The following FRK variants were observed in gnomAD, a reference collection of about 807,000 sequenced individuals.
FRK encodes the protein tyrosine-protein kinase FRK.
FRK carries 51 observed loss-of-function variants against 56.4 expected under a neutral mutation model. The ratio of observed to expected loss-of-function variants is 0.90; its 90% CI spans 0.72 to 1.14. The LOEUF (loss-of-function observed/expected upper bound fraction) is 1.14. Ranked by LOEUF, FRK falls within the 50% of genes most tolerant of loss-of-function variation. FRK has a pLI of 0.00. For missense variants in FRK, 570 were observed against 601.4 expected, an observed-to-expected ratio of 0.95 and a Z score of 0.55; for synonymous variants, 245 against 217.9, an observed-to-expected ratio of 1.12 and a Z score of -1.10.
At position 115,967,711 on chromosome 6, in the gene FRK, G is replaced by T. The variant is rs750446041; in HGVS notation, c.639C>A (p.Val213=). The T allele has an allele frequency of 6.9e-6, 11 of 1,598,612 alleles. No homozygotes were observed. Among genetic ancestry groups the T allele is most frequent in the Non-Finnish European group, 8.5e-6 (10 of 1,171,692 alleles). The part of the protein sequence containing the change: ...KLGKPCLKIQ[V]PAPFDLSYKT... ...TATACGACAAATCAAATGGAGCTGG[G>T]ACCTGGATCTGTTTCATAGAATAAT... The change falls in exon 4 of 8, where the codon GTC becomes GTA. Residue 213 remains valine (V), a synonymous_variant. Transcript: ENST00000606080.
chr6:116,085,038 G>T, the FRK span, among the ~76,000 whole-genome samples: 3 of 152,146 alleles, frequency 2.0e-5, no homozygotes, highest in African/African-American at 7.2e-5. Context: ...TTAAGAGAGT[G>T]GTATGCCTGC....
chr6:116,014,924 A>G (rs1237800399), intron 1 of FRK, among the ~76,000 whole-genome samples: 1 of 152,164 alleles, frequency 6.6e-6, no homozygotes, highest in Non-Finnish European at 1.5e-5. Context: ...TAATGAGTAC[A>G]TGCATTTTTT....
At chr6:116,054,016 C>CTA (rs1777280786) in intron 1 of FRK, among the ~76,000 whole-genome samples, 1 of 151,812 alleles carries the variant, frequency 6.6e-6, no homozygotes, top group Non-Finnish European at 1.5e-5. Context: ...TATGATTTTG[C>CTA]TATTATTTTT....
At chr6:116,050,398 C>G (rs939170138) in intron 1 of FRK, among the ~76,000 whole-genome samples, 3 of 152,188 alleles carry the variant, frequency 2.0e-5, no homozygotes, top group African/African-American at 7.2e-5. Context: ...CCATCTTTCT[C>G]AATAAGATTT....
intron 1 of FRK, among the ~76,000 whole-genome samples, chr6:116,013,812 A>G (rs796323317): frequency 2.0e-4 from 30 of 152,268 alleles, no homozygotes; most frequent in African/African-American, 7.0e-4. Flanking sequence ...GCTAGTAGTC[A>G]TTGTGTGTAA....
intron 2 of FRK, among the ~76,000 whole-genome samples, chr6:115,976,786 G>C (rs1331953449): frequency 6.6e-6 from 1 of 151,928 alleles, no homozygotes; most frequent in Non-Finnish European, 1.5e-5. Context: ...ACTCCCACAG[G>C]GATAGTTTGA....
At chr6:116,090,062 C>G in the FRK span, among the ~76,000 whole-genome samples, 1 of 152,090 alleles carries the variant, frequency 6.6e-6, no homozygotes, top group Non-Finnish European at 1.5e-5. Context: ...TTAAGAAGTT[C>G]CACAAAATTT....
the FRK span, among the ~76,000 whole-genome samples, chr6:116,074,516 AAC>A: frequency 2.6e-5 from 4 of 152,206 alleles, no homozygotes; most frequent in African/African-American, 9.6e-5. Context: ...AATTTGAGCA[AAC>A]ACTTTTAAAT....
chr6:115,972,773 AT>A (rs1582666013), intron 2 of FRK, among the ~76,000 whole-genome samples: 1 of 152,182 alleles, frequency 6.6e-6, no homozygotes, highest in Non-Finnish European at 1.5e-5. Context: ...GCTAAGCATG[AT>A]TTTACATTAT....
chr6:116,019,069 A>T (rs1405316469), intron 1 of FRK, among the ~76,000 whole-genome samples: 1 of 152,192 alleles, frequency 6.6e-6, no homozygotes, highest in Non-Finnish European at 1.5e-5. Flanking sequence ...GGCTTGTGGT[A>T]GGAAAGCCTT....
intron 2 of FRK, among the ~76,000 whole-genome samples, chr6:115,997,995 A>T (rs1412790188): frequency 6.6e-6 from 1 of 152,200 alleles, no homozygotes; most frequent in Non-Finnish European, 1.5e-5. Context: ...CTAAACTCAG[A>T]CTGCTTAGCA....
chr6:116,038,972 C>T, intron 1 of FRK: 1 of 701,064 alleles, frequency 1.4e-6, no homozygotes, highest in Non-Finnish European at 2.7e-6. Flanking sequence ...CTAACGGGGC[C>T]TTTACTTGGG....
chr6:116,006,839 A>G (rs1390246059), intron 1 of FRK, among the ~76,000 whole-genome samples: 1 of 152,154 alleles, frequency 6.6e-6, no homozygotes. Flanking sequence ...ATCTCTCATA[A>G]AATAAATTAA....
At chr6:116,037,657 T>C (rs190907359) in intron 1 of FRK, among the ~76,000 whole-genome samples, 34 of 152,356 alleles carry the variant, frequency 2.2e-4, no homozygotes, top group Non-Finnish European at 4.4e-4. Flanking sequence ...CTATCGTTTC[T>C]CACACATTCT....
intron 1 of FRK, among the ~76,000 whole-genome samples, chr6:116,039,865 G>A (rs1031388619): frequency 7.9e-5 from 12 of 150,952 alleles, no homozygotes; most frequent in African/African-American, 2.4e-4. Flanking sequence ...CATGAGTGCT[G>A]CCCTCTCCCA....
chr6:116,088,113 C>T, the FRK span, among the ~76,000 whole-genome samples: 8 of 152,282 alleles, frequency 5.3e-5, no homozygotes, highest in South Asian at 6.2e-4. Context: ...ATTGAACCAC[C>T]GTTGCCTACA....
intron 3 of FRK, 119 bp downstream of exon 3, chr6:115,968,457 C>CGGGT (rs1773671813): frequency 9.0e-7 from 1 of 1,115,830 alleles, no homozygotes; most frequent in African/African-American, 1.6e-5. Flanking sequence ...TGCCTATACC[C>CGGGT]GCCTGAGGTA....
At chr6:116,095,066 G>A in the FRK span, among the ~76,000 whole-genome samples, 3 of 152,226 alleles carry the variant, frequency 2.0e-5, no homozygotes, top group African/African-American at 7.2e-5. Flanking sequence ...CGAAAATACT[G>A]AGGCCACTGA....
chr6:116,066,304 C>T, the FRK span, among the ~76,000 whole-genome samples: 13 of 152,164 alleles, frequency 8.5e-5, no homozygotes, highest in Non-Finnish European at 1.5e-5. Context: ...CCTCGAACAT[C>T]AGACTCCAGA....
Sources: allele counts gnomAD v4.1 joint callset (sites outside exome capture counted in the v4.1 genomes callset), GRCh38; gene constraint gnomAD v4.1.1; transcripts MANE v1.5; gene names NCBI Gene and HGNC (gene_info 2026-07-23, HGNC 2026-07-21).